Variants in RBFOX1 observed in about 807,000 individuals in gnomAD.
RBFOX1 encodes the protein RNA binding protein fox-1 homolog 1.
Under a neutral mutation model 57.7 loss-of-function variants are expected in RBFOX1, and 8 were observed. That is an observed-to-expected ratio of 0.14 (90% CI 0.08 to 0.25). The LOEUF is 0.25. Among genes scored for constraint, RBFOX1 ranks in the 10% least tolerant of loss-of-function variants. The probability of loss-of-function intolerance (pLI) is 1.00; values close to 1 mark genes in which losing one functional copy is unlikely to be tolerated. For synonymous variants in RBFOX1, 326 were observed against 222.4 expected (o/e 1.47, Z -4.15); for missense variants, 611 against 548.5 (o/e 1.11, Z -1.14).
intron 4 of RBFOX1, among the ~76,000 whole-genome samples, chr16:7,270,648 A>G (rs566660363): frequency 5.9e-5 from 9 of 152,232 alleles, no homozygotes; most frequent in Non-Finnish European, 1.0e-4. Context: ...ATCAGTTGCT[A>G]TTAGACAAAC....
intron 3 of RBFOX1, among the ~76,000 whole-genome samples, chr16:6,980,281 G>A (rs555342260): frequency 1.4e-4 from 22 of 152,280 alleles, no homozygotes; most frequent in East Asian, 3.9e-4. Flanking sequence ...GAGTGTGTGC[G>A]TTTATGATAT....
chr16:5,438,154 CAG>C (rs924225878), intron 1 of RBFOX1, among the ~76,000 whole-genome samples: 3 of 152,140 alleles, frequency 2.0e-5, no homozygotes, highest in Non-Finnish European at 4.4e-5. Context: ...CTTCCAACCA[CAG>C]GGGATATTAA....
chr16:6,082,347 ATTTTTTTTTTTTTT>A (rs71142677), intron 1 of RBFOX1, among the ~76,000 whole-genome samples: 2 of 41,024 alleles, frequency 4.9e-5, no homozygotes, highest in Non-Finnish European at 9.0e-5. Flanking sequence ...CACCTGGCTA[ATTTTTTTTTTTTTT>A]TTTTTTTTTT....
chr16:5,887,936 G>A (rs1171642619), intron 4 of RBFOX1, among the ~76,000 whole-genome samples: 2 of 152,126 alleles, frequency 1.3e-5, no homozygotes, highest in African/African-American at 4.8e-5. Flanking sequence ...GAACAACAGG[G>A]CAAGGACCAC....
At chr16:6,672,610 A>G (rs1256937672) in intron 3 of RBFOX1, among the ~76,000 whole-genome samples, 1 of 152,138 alleles carries the variant, frequency 6.6e-6, no homozygotes, top group Non-Finnish European at 1.5e-5. Context: ...ACAAGCATAT[A>G]AGACTACTGA....
At chr16:6,832,939 C>T (rs1468854426) in intron 3 of RBFOX1, among the ~76,000 whole-genome samples, 1 of 152,144 alleles carries the variant, frequency 6.6e-6, no homozygotes, top group East Asian at 1.9e-4. Context: ...TCTGGGGAGA[C>T]AGATATTAAA....
intron 3 of RBFOX1, among the ~76,000 whole-genome samples, chr16:6,814,640 G>T (rs557250169): frequency 2.7e-4 from 41 of 152,260 alleles, no homozygotes; most frequent in Admixed American, 1.4e-3. Context: ...TGACAGGTAG[G>T]GGACAAAGAG....
intron 11 of RBFOX1, among the ~76,000 whole-genome samples, chr16:7,639,810 T>C (rs921117133): frequency 5.9e-5 from 9 of 152,164 alleles, no homozygotes; most frequent in Non-Finnish European, 7.3e-5. Context: ...ACCAAACCCA[T>C]GGATTGAGGT....
At position 5,902,769 on chromosome 16, in the gene RBFOX1, C is replaced by G. The variant is rs138095537; in HGVS notation, c.351+35434C>G. 3.6e-3 allele frequency among the ~76,000 whole-genome samples: 553 copies of G among 152,238 alleles called. 4 individuals are homozygous for G. Among genetic ancestry groups the G allele is most frequent in the African/African-American group, 0.012 (499 of 41,520 alleles). ...TCATCAATCTCTTATTCTATCCACC[C>G]TCCTTTTTTTGATTCCAAGCGCCTT... On this transcript the variant is annotated intron_variant, in intron 4 of 19. Coordinates refer to the RBFOX1 transcript ENST00000641259.
intron 4 of RBFOX1, among the ~76,000 whole-genome samples, chr16:7,289,256 C>T (rs1476507444): frequency 1.3e-5 from 2 of 152,268 alleles, no homozygotes; most frequent in African/African-American, 4.8e-5. Context: ...ATGGGCTCTC[C>T]TTAGAAAGAT....
chr16:6,181,860 C>T (rs1351387364), intron 1 of RBFOX1, among the ~76,000 whole-genome samples: 1 of 152,130 alleles, frequency 6.6e-6, no homozygotes, highest in African/African-American at 2.4e-5. Context: ...TTGGGTCTCT[C>T]TCTGGTTGTA....
At chr16:6,738,521 T>A (rs1457883584) in intron 3 of RBFOX1, among the ~76,000 whole-genome samples, 2 of 152,104 alleles carry the variant, frequency 1.3e-5, no homozygotes, top group African/African-American at 4.8e-5. Flanking sequence ...AAAACAGATA[T>A]ATGAACCCAC....
chr16:6,495,372 G>T (rs1329138672), intron 2 of RBFOX1, among the ~76,000 whole-genome samples: 5 of 94,376 alleles, frequency 5.3e-5, no homozygotes, highest in Admixed American at 1.2e-4. Flanking sequence ...ACCGCCCCCC[G>T]CCCCCGCCTT....
At chr16:6,998,224 T>C (rs2092436195) in intron 3 of RBFOX1, among the ~76,000 whole-genome samples, 1 of 152,192 alleles carries the variant, frequency 6.6e-6, no homozygotes, top group African/African-American at 2.4e-5. Context: ...GAAGCATTTA[T>C]ATATTCAAAT....
chr16:6,307,126 C>A (rs1186739118), intron 1 of RBFOX1, among the ~76,000 whole-genome samples: 1 of 152,184 alleles, frequency 6.6e-6, no homozygotes, highest in Non-Finnish European at 1.5e-5. Context: ...GTGGTAAAAC[C>A]TGCAGCAAGT....
At position 7,306,345 on chromosome 16, in the gene RBFOX1, C is replaced by G. The variant is rs572161494; in HGVS notation, c.28-211802C>G. 1.1e-4 allele frequency among the ~76,000 whole-genome samples: 17 copies of G among 152,194 alleles called. No individual in the cohort carries two copies. The South Asian group carries it at 3.1e-3, about 28-fold the overall frequency. ...TCTCAGCATCTTCCAGGCAGTCTCT[C>G]CCACGAGGAAAAACACCCCTGCTCT... On this transcript the variant is annotated intron_variant, in intron 4 of 15. Coordinates refer to ENST00000550418, the MANE Select transcript of RBFOX1 (RefSeq NM_018723.4).
At chr16:7,388,197 C>A (rs1046739982) in intron 4 of RBFOX1, among the ~76,000 whole-genome samples, 1 of 152,108 alleles carries the variant, frequency 6.6e-6, no homozygotes, top group Non-Finnish European at 1.5e-5. Context: ...TAAGCCTTTC[C>A]TTCTTGGCAG....
At chr16:6,619,178 A>T (rs2098188687) in intron 2 of RBFOX1, among the ~76,000 whole-genome samples, 1 of 152,116 alleles carries the variant, frequency 6.6e-6, no homozygotes, top group East Asian at 1.9e-4. Flanking sequence ...AGAAAAAAAA[A>T]AACAACTTCT....
chr16:7,035,732 A>G (rs1374031548), intron 3 of RBFOX1, among the ~76,000 whole-genome samples: 1 of 152,196 alleles, frequency 6.6e-6, no homozygotes, highest in Non-Finnish European at 1.5e-5. Flanking sequence ...AGCAATTAAC[A>G]TGAATGCCTG....
Sources: allele counts gnomAD v4.1 joint callset (sites outside exome capture counted in the v4.1 genomes callset), GRCh38; gene constraint gnomAD v4.1.1; transcripts MANE v1.5; gene names NCBI Gene and HGNC (gene_info 2026-07-23, HGNC 2026-07-21).